CD200R1: variants seen among roughly 807,000 people sequenced by gnomAD.
The protein encoded by CD200R1 is CD200 receptor 1.
CD200R1 carries 30 observed loss-of-function variants against 38.1 expected under a neutral mutation model. The ratio of observed to expected loss-of-function variants is 0.79; its 90% CI spans 0.59 to 1.07. CD200R1 has a LOEUF of 1.07. Among genes scored for constraint, CD200R1 ranks in the 50% least tolerant of loss-of-function variants. The pLI is 0.00. For synonymous variants in CD200R1, 128 were observed against 152.1 expected (o/e 0.84, Z 1.16); for missense variants, 372 against 415.4 (o/e 0.90, Z 0.91).
chr3:112,944,430 C>T (rs1184464035), intron 2 of CD200R1, among the ~76,000 whole-genome samples: 1 of 151,558 alleles, frequency 6.6e-6, no homozygotes, highest in Non-Finnish European at 1.5e-5. Context: ...CAAAATTTAA[C>T]ATTCATTTAT....
Position 112,974,838 on chromosome 3 carries a change from G to A in CD200R1, c.20C>T (p.Thr7Ile), listed in dbSNP as rs1306639396. Residue 7 changes from threonine (T) to isoleucine (I), a missense_variant, in exon 1 of 8, where the codon ACT becomes ATT. Transcript: ENST00000308611. ...AATCAACAGTAGCCCTAGGTTAGCAGTTCTCCAAGGGCAGAGCATTTCTGT... is the reference window on the plus strand; with the variant it reads ...AATCAACAGTAGCCCTAGGTTAGCAATTCTCCAAGGGCAGAGCATTTCTGT... The part of the protein sequence containing the change: MLCPWR[T>I]ANLGLLLILT... 2 of 1,613,452 alleles carry A rather than the reference G, an allele frequency of 1.2e-6. No homozygotes were observed. Among genetic ancestry groups the A allele is most frequent in the Non-Finnish European group, 8.5e-7 (1 of 1,179,554 alleles).
At chr3:112,932,181 A>G (rs1220125304) in intron 2 of CD200R1, among the ~76,000 whole-genome samples, 2 of 152,110 alleles carry the variant, frequency 1.3e-5, no homozygotes, top group Non-Finnish European at 2.9e-5. Flanking sequence ...ACCATGGACT[A>G]GAGCCACTTT....
At chr3:112,941,191 G>A (rs1430820996) in intron 2 of CD200R1, among the ~76,000 whole-genome samples, 2 of 151,454 alleles carry the variant, frequency 1.3e-5, no homozygotes, top group East Asian at 3.9e-4. Context: ...TTTGTTAAAG[G>A]GCACAAAATT....
rs1168474668 is a variant in CD200R1, at chr3:112,923,453, T to C, written c.*224A>G. 3.1e-6 allele frequency: 1 copy of C among 321,740 alleles called. No individual in the cohort carries two copies. Among genetic ancestry groups the C allele is most frequent in the African/African-American group, 2.2e-5 (1 of 45,672 alleles). 19.9% of individuals were successfully genotyped at this position (321,740 alleles called of 1,614,324 possible). On this transcript the variant is annotated 3_prime_UTR_variant, in exon 8 of 8. Coordinates refer to ENST00000308611, the MANE Select transcript of CD200R1 (RefSeq NM_138806.4). ...GAATATTTGGTCATGGGCATGTATT[T>C]TCTTTGTAATAACATCAGTTCTTCA...
intron 3 of CD200R1, among the ~76,000 whole-genome samples, chr3:112,930,554 G>T (rs6438119): frequency 0.59 from 89,011 of 151,728 alleles, 26,483 homozygotes; most frequent in African/African-American, 0.69. Context: ...CAATGTGTCA[G>T]TGACTTGGTA....
intron 1 of CD200R1, among the ~76,000 whole-genome samples, chr3:112,957,330 C>T (rs1941122858): frequency 6.6e-6 from 1 of 152,120 alleles, no homozygotes; most frequent in Non-Finnish European, 1.5e-5. Flanking sequence ...TCCTATTCCA[C>T]CTTTGTGCTC....
chr3:112,928,969 C>G lies in CD200R1; in HGVS notation c.616G>C (p.Glu206Gln). 6.2e-7 allele frequency: 1 copy of G among 1,614,002 alleles called. No individual in the cohort carries two copies. The highest frequency in any genetic ancestry group is 1.1e-5 in the South Asian group (1 of 91,084). The part of the protein sequence containing the change: ...KPAAHISWIP[E>Q]GDCATKQEYW... ...TCTTGCTTAGTGGCACAATCGCCCT[C>G]TGGGATCCAGGAGATATGCGCAGCT... Residue 206 changes from glutamate (E) to glutamine (Q), a missense_variant, in exon 5 of 8, where the codon GAG (glutamate) becomes CAG (glutamine). Glu to Gln is a conservative substitution (Grantham distance 29). Coordinates refer to ENST00000308611, the MANE Select transcript of CD200R1 (RefSeq NM_138806.4).
intron 5 of CD200R1, among the ~76,000 whole-genome samples, chr3:112,928,207 T>C (rs1940325414): frequency 6.6e-6 from 1 of 152,182 alleles, no homozygotes; most frequent in Non-Finnish European, 1.5e-5. Context: ...TTAATGGAGA[T>C]GGCAATTGGG....
chr3:112,947,275 C>T (rs1273353641), intron 2 of CD200R1, among the ~76,000 whole-genome samples: 2 of 152,024 alleles, frequency 1.3e-5, no homozygotes, highest in African/African-American at 4.8e-5. Context: ...AAACTTTGGA[C>T]TTTGATAATG....
rs1576126593 is a variant in CD200R1 at position 112,929,025 on chromosome 3, G to A, written c.560C>T (p.Thr187Ile). The change falls in exon 5 of 8, where the codon ACT (threonine) becomes ATT (isoleucine). Residue 187 changes from threonine (T) to isoleucine (I), a missense_variant. Physicochemically the swap from Thr to Ile is moderately conservative, Grantham distance 89. Transcript: ENST00000308611. ...CCCTGCAACTGCCTTGCATACTGCA[G>A]TTCTATTCCTGTTTTGAAACAGGGT... ...EVTLFQNRNRTAVCKAVAGKP... is the reference protein window; with the variant it reads ...EVTLFQNRNRIAVCKAVAGKP... 3.1e-6 allele frequency: 5 copies of A among 1,613,974 alleles called. No homozygotes were observed. Among genetic ancestry groups the A allele is most frequent in the Non-Finnish European group, 3.4e-6 (4 of 1,180,010 alleles).
intron 2 of CD200R1, among the ~76,000 whole-genome samples, chr3:112,940,094 G>A (rs906737584): frequency 8.6e-5 from 13 of 151,850 alleles, no homozygotes; most frequent in South Asian, 2.1e-4. Flanking sequence ...AATAAATGGC[G>A]CTGGGTAAAC....
At chr3:112,942,616 A>C (rs1460718901) in intron 2 of CD200R1, among the ~76,000 whole-genome samples, 2 of 151,674 alleles carry the variant, frequency 1.3e-5, no homozygotes, top group Non-Finnish European at 3.0e-5. Context: ...TTAATCTAAC[A>C]GTATCAGTAA....
intron 1 of CD200R1, among the ~76,000 whole-genome samples, chr3:112,951,918 A>G (rs1419426427): frequency 2.0e-5 from 3 of 151,808 alleles, no homozygotes; most frequent in Non-Finnish European, 1.5e-5. Context: ...TAAGATGTCA[A>G]TTCTCCTCAA....
chr3:112,947,837 G>T lies in CD200R1; in HGVS notation c.136+19C>A. 2 of 1,569,940 alleles carry T rather than the reference G, an allele frequency of 1.3e-6. No individual in the cohort carries two copies. The highest frequency in any genetic ancestry group is 1.8e-6 in the Non-Finnish European group (2 of 1,139,954). Reference sequence around the variant, plus strand: ...CAAGCACTCCCCTACTAGAATTATTGTTAAAAGATGCACATTACCTAAAGC... The same window carrying T: ...CAAGCACTCCCCTACTAGAATTATTTTTAAAAGATGCACATTACCTAAAGC... On this transcript the variant is annotated intron_variant, in intron 2 of 7. Coordinates refer to ENST00000308611, the MANE Select transcript of CD200R1 (RefSeq NM_138806.4).
chr3:112,951,822 T>A (rs1185403809), intron 1 of CD200R1, among the ~76,000 whole-genome samples: 2 of 150,500 alleles, frequency 1.3e-5, no homozygotes, highest in Non-Finnish European at 3.0e-5. Context: ...GTAATAAAAG[T>A]TGTGTAAGAC....
intron 1 of CD200R1, among the ~76,000 whole-genome samples, chr3:112,949,657 C>A (rs1480112072): frequency 6.6e-6 from 1 of 152,056 alleles, no homozygotes; most frequent in Non-Finnish European, 1.5e-5. Context: ...TGGTTAGAGC[C>A]TAAGAAATAT....
At chr3:112,971,166 T>C (rs561836306) in intron 1 of CD200R1, among the ~76,000 whole-genome samples, 1 of 152,290 alleles carries the variant, frequency 6.6e-6, no homozygotes, top group East Asian at 1.9e-4. Flanking sequence ...AATGGTGTAG[T>C]ATTTCATATA....
In CD200R1 at chr3:112,928,849, C is replaced by T; in HGVS notation, c.736G>A (p.Gly246Ser). Residue 246 changes from glycine to serine, a missense_variant, in exon 5 of 8, where the codon GGC becomes AGC. Transcript: ENST00000308611. Reference protein sequence around the residue: ...TVTCHVSHLTGNKSLYIELLP... With the variant: ...TVTCHVSHLTSNKSLYIELLP... ...AGCTCTATGTACAGACTCTTGTTGC[C>T]AGTCAAATGGGAGACGTGGCAGGTC... The T allele has an allele frequency of 6.2e-7, 1 of 1,613,656 alleles. No homozygotes were observed. Among genetic ancestry groups the T allele is most frequent in the Non-Finnish European group, 8.5e-7 (1 of 1,179,904 alleles).
At chr3:112,931,197 A>G (rs1313037015) in intron 2 of CD200R1, 26 bp from the exon 3 acceptor site, 1 of 1,463,292 alleles carries the variant, frequency 6.8e-7, no homozygotes, top group Non-Finnish European at 9.6e-7. Flanking sequence ...AGAAGAATAA[A>G]TGAAATCAAT....
Sources: gnomAD v4.1 joint callset for allele counts (sites outside exome capture counted in the v4.1 genomes callset) on GRCh38, gnomAD v4.1.1 for gene constraint, MANE v1.5 for transcripts, NCBI Gene and HGNC (gene_info 2026-07-23, HGNC 2026-07-21) for gene names.